The following SGCZ variants were observed in gnomAD, a reference collection of about 807,000 sequenced individuals.
SGCZ encodes the protein zeta-sarcoglycan.
A neutral mutation model predicts 41.3 loss-of-function variants in SGCZ; 40 were observed. That is an observed-to-expected ratio of 0.97 (90% CI 0.75 to 1.26). The LOEUF is 1.26. Ranked by LOEUF, SGCZ falls within the 50% of genes most tolerant of loss-of-function variation. SGCZ has a pLI of 0.00. For synonymous variants in SGCZ, 206 were observed against 137.5 expected (o/e 1.50, Z -3.49); for missense variants, 552 against 369.8 (o/e 1.49, Z -4.04).
intron 4 of SGCZ, among the ~76,000 whole-genome samples, chr8:14,189,644 G>C (rs1805027018): frequency 6.6e-6 from 1 of 152,286 alleles, no homozygotes; most frequent in Non-Finnish European, 1.5e-5. Context: ...TCTTCTTCCT[G>C]TGTCCTCTCT....
At chr8:14,484,272 G>C (rs1801613451) in intron 2 of SGCZ, among the ~76,000 whole-genome samples, 1 of 152,034 alleles carries the variant, frequency 6.6e-6, no homozygotes, top group South Asian at 2.1e-4. Flanking sequence ...GTATGGCTCT[G>C]TATAATAAAC....
rs955854986 is a variant in SGCZ at position 15,020,704 on chromosome 8, T to C, written c.39+216881A>G. Among the ~76,000 whole-genome samples the C allele has an allele frequency of 4.6e-5, 7 of 152,212 alleles. No individual in the cohort carries two copies. The South Asian group carries it at 8.3e-4, about 18-fold the overall frequency. On this transcript the variant is annotated intron_variant, in intron 1 of 7. Transcript: ENST00000382080. The stretch of plus-strand genomic sequence containing the variant: ...TTATCTTAATTACAAGATAGTTATT[T>C]GCATTATGGTCAGTACTTCACCTGT...
intron 1 of SGCZ, among the ~76,000 whole-genome samples, chr8:14,674,753 A>G (rs1808215403): frequency 6.6e-6 from 1 of 151,366 alleles, no homozygotes; most frequent in African/African-American, 2.4e-5. Flanking sequence ...AAGAGATCTG[A>G]TCATTTAAAA....
chr8:15,093,380 C>G (rs556886159), intron 1 of SGCZ, among the ~76,000 whole-genome samples: 2 of 152,276 alleles, frequency 1.3e-5, no homozygotes, highest in East Asian at 3.9e-4. Flanking sequence ...TAAACGTATT[C>G]TTCTACATTA....
At position 14,087,753 on chromosome 8, in the gene SGCZ, A is replaced by T. The variant is rs924465283; in HGVS notation, c.*2690T>A. Among the ~76,000 whole-genome samples, 1 of 151,732 alleles carries T rather than the reference A, an allele frequency of 6.6e-6. No individual in the cohort carries two copies. The highest frequency in any genetic ancestry group is 2.4e-5 in the African/African-American group (1 of 41,398). Reference sequence around the variant, plus strand: ...TGCTTTTTTGTGTTTGAATGTGGAAAACGAGGACATTTGGGGCCATTCTTC... The same window carrying T: ...TGCTTTTTTGTGTTTGAATGTGGAATACGAGGACATTTGGGGCCATTCTTC... On this transcript the variant is annotated 3_prime_UTR_variant, in exon 8 of 8. Transcript: ENST00000382080.
At chr8:15,072,677 T>G (rs918792646) in intron 1 of SGCZ, among the ~76,000 whole-genome samples, 1 of 152,152 alleles carries the variant, frequency 6.6e-6, no homozygotes, top group African/African-American at 2.4e-5. Context: ...GGAGTCACAA[T>G]GGGAGTTTTG....
chr8:14,549,493 C>A (rs745983957), intron 2 of SGCZ, among the ~76,000 whole-genome samples: 3 of 151,976 alleles, frequency 2.0e-5, no homozygotes, highest in Non-Finnish European at 4.4e-5. Flanking sequence ...GATCCCTCTA[C>A]TGAAAGTGAA....
intron 1 of SGCZ, among the ~76,000 whole-genome samples, chr8:14,611,746 C>T (rs145374190): frequency 2.0e-5 from 3 of 152,068 alleles, no homozygotes; most frequent in Admixed American, 6.6e-5. Context: ...GTGACCTATG[C>T]CACAAAAGAC....
chr8:14,422,612 A>G (rs1329413552), intron 2 of SGCZ, among the ~76,000 whole-genome samples: 1 of 152,230 alleles, frequency 6.6e-6, no homozygotes, highest in East Asian at 1.9e-4. Flanking sequence ...CTTGTATAAA[A>G]AAGAATGCTC....
intron 2 of SGCZ, among the ~76,000 whole-genome samples, chr8:14,546,926 T>C (rs1392104533): frequency 6.6e-6 from 1 of 152,124 alleles, no homozygotes; most frequent in East Asian, 1.9e-4. Flanking sequence ...TTTCCCTAAG[T>C]TTCTGCCTTT....
chr8:14,833,072 G>C (rs1322148211), intron 1 of SGCZ, among the ~76,000 whole-genome samples: 1 of 151,894 alleles, frequency 6.6e-6, no homozygotes, highest in Non-Finnish European at 1.5e-5. Flanking sequence ...AAGCATAGTA[G>C]AACCTAAAAC....
intron 3 of SGCZ, among the ~76,000 whole-genome samples, chr8:14,285,074 G>T (rs11774327): frequency 0.21 from 32,358 of 151,898 alleles, 3,640 homozygotes; most frequent in East Asian, 0.3. Flanking sequence ...TTTAAGGGTT[G>T]ATTTTTGCCT....
intron 1 of SGCZ, among the ~76,000 whole-genome samples, chr8:15,127,856 T>C (rs1807762223): frequency 6.6e-6 from 1 of 152,142 alleles, no homozygotes; most frequent in South Asian, 2.1e-4. Context: ...ACATTTCCAG[T>C]TTTGACATGT....
chr8:14,759,989 G>C (rs995959879), intron 1 of SGCZ, among the ~76,000 whole-genome samples: 1 of 152,122 alleles, frequency 6.6e-6, no homozygotes, highest in African/African-American at 2.4e-5. Context: ...AAAACATTTA[G>C]CTATTGAGTG....
chr8:14,873,802 T>C (rs149825784), intron 1 of SGCZ, among the ~76,000 whole-genome samples: 4,349 of 152,236 alleles, frequency 0.029, 66 homozygotes, highest in Middle Eastern at 0.048. Flanking sequence ...TGGCCAGATG[T>C]ATACCTAATT....
intron 3 of SGCZ, among the ~76,000 whole-genome samples, chr8:14,288,858 G>A (rs1451066903): frequency 6.6e-6 from 1 of 152,104 alleles, no homozygotes; most frequent in African/African-American, 2.4e-5. Context: ...CTGTGAAAAT[G>A]TTTTCCATGG....
intron 1 of SGCZ, among the ~76,000 whole-genome samples, chr8:15,156,963 A>G (rs919809285): frequency 6.6e-6 from 1 of 151,816 alleles, no homozygotes; most frequent in African/African-American, 2.4e-5. Context: ...AAAAAAAGAA[A>G]AGAAAAAGAA....
intron 1 of SGCZ, among the ~76,000 whole-genome samples, chr8:14,689,347 G>A (rs1241635661): frequency 1.3e-5 from 2 of 152,006 alleles, no homozygotes; most frequent in African/African-American, 4.8e-5. Flanking sequence ...TGATTATGTG[G>A]TAAGTAAAAA....
chr8:14,329,870 T>C (rs1252834610), intron 2 of SGCZ, among the ~76,000 whole-genome samples: 2 of 151,362 alleles, frequency 1.3e-5, no homozygotes, highest in African/African-American at 4.8e-5. Context: ...TTTTTTTTCA[T>C]CATCACTCAA....
Sources: gnomAD v4.1 joint callset for allele counts (sites outside exome capture counted in the v4.1 genomes callset) on GRCh38, gnomAD v4.1.1 for gene constraint, MANE v1.5 for transcripts, NCBI Gene and HGNC (gene_info 2026-07-23, HGNC 2026-07-21) for gene names.